The following ZNF385D variants were observed in gnomAD, a reference collection of about 807,000 sequenced individuals.
ZNF385D encodes the protein zinc finger protein 659.
A neutral mutation model predicts 35.8 loss-of-function variants in ZNF385D; 15 were observed. That is an observed-to-expected ratio of 0.42 (90% CI 0.28 to 0.64). The LOEUF is 0.64. ZNF385D is among the 30% of genes least tolerant of loss of function. The pLI is 0.23. For synonymous variants in ZNF385D, 212 were observed against 186.8 expected (o/e 1.13, Z -1.10); for missense variants, 474 against 494.6 (o/e 0.96, Z 0.39).
At chr3:22,064,120 G>C (rs1257519541) in intron 3 of ZNF385D, among the ~76,000 whole-genome samples, 1 of 152,152 alleles carries the variant, frequency 6.6e-6, no homozygotes, top group East Asian at 1.9e-4. Context: ...TCTAGTTATA[G>C]GGCTAGAAAT....
chr3:22,197,506 A>G (rs191994678), intron 2 of ZNF385D, among the ~76,000 whole-genome samples: 12 of 152,236 alleles, frequency 7.9e-5, no homozygotes, highest in Admixed American at 7.9e-4. Flanking sequence ...CAAAATGGTG[A>G]AAAATGCTTA....
At chr3:21,451,595 G>A (rs1163854366) in intron 4 of ZNF385D, among the ~76,000 whole-genome samples, 1 of 151,908 alleles carries the variant, frequency 6.6e-6, no homozygotes, top group Admixed American at 6.6e-5. Flanking sequence ...CAGCTATCAG[G>A]TACAACAATG....
At chr3:22,352,405 A>C (rs1240940775) in intron 2 of ZNF385D, among the ~76,000 whole-genome samples, 2 of 152,214 alleles carry the variant, frequency 1.3e-5, no homozygotes, top group African/African-American at 4.8e-5. Context: ...ATCACACGTT[A>C]TCTCTGTTCC....
chr3:21,904,205 G>A (rs1699556079), intron 3 of ZNF385D, among the ~76,000 whole-genome samples: 1 of 150,472 alleles, frequency 6.6e-6, no homozygotes. Flanking sequence ...TCTGGAGGCT[G>A]AGGCAGGAGA....
chr3:22,229,765 G>A lies in ZNF385D; in HGVS notation c.107-60730C>T, dbSNP rs73145075. 7.7e-3 allele frequency among the ~76,000 whole-genome samples: 1,176 copies of A among 152,174 alleles called. 18 individuals carry two copies. Among genetic ancestry groups the A allele is most frequent in the African/African-American group, 0.027 (1,110 of 41,520 alleles). ...AACATTTTTTTTAGATGTCTCCACT[G>A]CTGGATACGTTCTTTATCAAGGCAG... On this transcript the variant is annotated intron_variant, in intron 2 of 5. Transcript: ENST00000494108.
intron 2 of ZNF385D, among the ~76,000 whole-genome samples, chr3:22,299,599 A>G (rs901496156): frequency 1.3e-5 from 2 of 151,956 alleles, no homozygotes; most frequent in Admixed American, 6.6e-5. Context: ...GAAAACTGTT[A>G]GAACTAATAA....
chr3:21,972,008 G>C (rs758023437), intron 3 of ZNF385D, among the ~76,000 whole-genome samples: 2 of 151,892 alleles, frequency 1.3e-5, no homozygotes, highest in South Asian at 2.1e-4. Flanking sequence ...CACAATAATA[G>C]TTGGAGACTT....
chr3:22,117,499 C>G (rs1034177391), intron 3 of ZNF385D, among the ~76,000 whole-genome samples: 2 of 151,528 alleles, frequency 1.3e-5, no homozygotes. Flanking sequence ...TCTTGTTCAA[C>G]CAAAATTGGC....
chr3:21,613,897 A>G (rs2064763615), intron 2 of ZNF385D, among the ~76,000 whole-genome samples: 1 of 152,188 alleles, frequency 6.6e-6, no homozygotes, highest in Non-Finnish European at 1.5e-5. Context: ...GGATGAACAA[A>G]TTGCTATATG....
chr3:21,659,881 C>T (rs187922238), intron 2 of ZNF385D, among the ~76,000 whole-genome samples: 3 of 152,054 alleles, frequency 2.0e-5, no homozygotes, highest in Admixed American at 2.0e-4. Flanking sequence ...AATCTCAGGC[C>T]CCTCCCCAGA....
rs112040875 is a variant in ZNF385D, at chr3:22,243,247, A to C, written c.107-74212T>G. 3.6e-3 allele frequency among the ~76,000 whole-genome samples: 544 copies of C among 151,142 alleles called. 26 individuals are homozygous for C. The highest frequency in any genetic ancestry group is 0.012 in the African/African-American group (497 of 40,888). ...AGGAATACTTCTCCAAGACATATATAAACAGCCAATAAGCACATGAAAAGA... is the reference window on the plus strand; with the variant it reads ...AGGAATACTTCTCCAAGACATATATCAACAGCCAATAAGCACATGAAAAGA... On this transcript the variant is annotated intron_variant, in intron 2 of 5. Coordinates refer to the ZNF385D transcript ENST00000494108.
intron 1 of ZNF385D, among the ~76,000 whole-genome samples, chr3:21,687,322 G>C (rs930117636): frequency 6.6e-6 from 1 of 152,160 alleles, no homozygotes; most frequent in East Asian, 1.9e-4. Flanking sequence ...CATTGTTATC[G>C]TGTAAGCCAG....
chr3:22,211,612 G>T (rs1697528455), intron 2 of ZNF385D, among the ~76,000 whole-genome samples: 1 of 151,968 alleles, frequency 6.6e-6, no homozygotes, highest in South Asian at 2.1e-4. Flanking sequence ...AATAAATCAA[G>T]TCTATATAGA....
chr3:21,948,395 T>G (rs757681940), intron 3 of ZNF385D, among the ~76,000 whole-genome samples: 1 of 152,130 alleles, frequency 6.6e-6, no homozygotes, highest in South Asian at 2.1e-4. Flanking sequence ...TTTCTTTGCA[T>G]TGACAAGTTT....
At chr3:21,914,384 T>A (rs1340727630) in intron 3 of ZNF385D, among the ~76,000 whole-genome samples, 7 of 1,830 alleles carry the variant, frequency 3.8e-3, no homozygotes, top group African/African-American at 0.015. Context: ...TGTTTGACTT[T>A]TTTTTTTTTT....
intron 3 of ZNF385D, among the ~76,000 whole-genome samples, chr3:21,519,128 G>T (rs983612148): frequency 2.0e-5 from 3 of 151,970 alleles, no homozygotes; most frequent in African/African-American, 7.2e-5. Flanking sequence ...TAGAAAAAAA[G>T]GGGGGGAAAG....
At chr3:21,813,278 C>A (rs1336051078) in intron 3 of ZNF385D, among the ~76,000 whole-genome samples, 1 of 152,170 alleles carries the variant, frequency 6.6e-6, no homozygotes, top group Non-Finnish European at 1.5e-5. Flanking sequence ...TTCTAAGAAT[C>A]AGAGCACCTC....
At chr3:22,312,205 T>A (rs1703598297) in intron 2 of ZNF385D, among the ~76,000 whole-genome samples, 1 of 152,154 alleles carries the variant, frequency 6.6e-6, no homozygotes, top group African/African-American at 2.4e-5. Flanking sequence ...ACTGTTCTGA[T>A]AATCATCTTC....
rs1222659305 is a variant in ZNF385D, at chr3:21,413,802, C to G, written c.*7412G>C. On this transcript the variant is annotated 3_prime_UTR_variant, in exon 8 of 8. Transcript: ENST00000281523. The stretch of plus-strand genomic sequence containing the variant: ...AATAAGCTTGGTTGTCAAAAGAACA[C>G]TGCCTTCAATTTATAGTCACTAAAT... 2 of 152,082 alleles carry G rather than the reference C, an allele frequency of 1.3e-5. No homozygotes were observed. Among genetic ancestry groups the G allele is most frequent in the African/African-American group, 4.8e-5 (2 of 41,416 alleles). 9.4% of individuals were successfully genotyped at this position (152,082 alleles called of 1,614,324 possible). A position where few individuals can be genotyped will look rare whatever the true frequency, so the allele number is the denominator to read the frequency against.
Sources: gnomAD v4.1 joint callset for allele counts (sites outside exome capture counted in the v4.1 genomes callset) on GRCh38, gnomAD v4.1.1 for gene constraint, MANE v1.5 for transcripts, NCBI Gene and HGNC (gene_info 2026-07-23, HGNC 2026-07-21) for gene names.